Variants in SGCZ observed in about 807,000 individuals in gnomAD.
SGCZ encodes zeta-sarcoglycan.
Under a neutral mutation model 41.3 loss-of-function variants are expected in SGCZ, and 40 were observed. The observed-to-expected ratio is 0.97, with a 90% CI of 0.75 to 1.26. The LOEUF (loss-of-function observed/expected upper bound fraction) is 1.26, where lower values mean the gene tolerates loss of function less well. Among genes scored for constraint, SGCZ ranks in the 50% most tolerant of loss-of-function variants. The pLI is 0.00. For synonymous variants in SGCZ, 206 were observed against 137.5 expected (o/e 1.50, Z -3.49); for missense variants, 552 against 369.8 (o/e 1.49, Z -4.04).
intron 7 of SGCZ, among the ~76,000 whole-genome samples, chr8:14,094,292 GC>G (rs998094063): frequency 6.6e-6 from 1 of 151,532 alleles, no homozygotes; most frequent in Non-Finnish European, 1.5e-5. Context: ...CCCTCCCCTA[GC>G]CCCCCCATGC....
chr8:14,123,526 C>T (rs1262347976), intron 5 of SGCZ, among the ~76,000 whole-genome samples: 2 of 152,266 alleles, frequency 1.3e-5, no homozygotes, highest in East Asian at 3.9e-4. Flanking sequence ...AGGCATGTCA[C>T]ATGAGATTAA....
At chr8:15,076,880 C>T (rs970107973) in intron 1 of SGCZ, among the ~76,000 whole-genome samples, 4 of 151,868 alleles carry the variant, frequency 2.6e-5, no homozygotes, top group Admixed American at 1.3e-4. Flanking sequence ...GGAGTGCCAC[C>T]ACTCAATAAC....
intron 1 of SGCZ, among the ~76,000 whole-genome samples, chr8:14,671,536 A>G (rs1275734109): frequency 6.6e-6 from 1 of 152,188 alleles, no homozygotes; most frequent in Non-Finnish European, 1.5e-5. Context: ...TTCAAGAAGG[A>G]CTTATTTTGC....
At chr8:15,142,687 C>T (rs2117000490) in intron 1 of SGCZ, among the ~76,000 whole-genome samples, 1 of 150,522 alleles carries the variant, frequency 6.6e-6, no homozygotes, top group South Asian at 2.1e-4. Flanking sequence ...TCTCATCTCA[C>T]TGTAACCTCC....
chr8:14,294,505 T>A (rs1800947577), intron 3 of SGCZ, among the ~76,000 whole-genome samples: 1 of 151,966 alleles, frequency 6.6e-6, no homozygotes, highest in South Asian at 2.1e-4. Flanking sequence ...TTACATAAAT[T>A]TTTTTAGATA....
chr8:14,953,872 C>G (rs1337037280), intron 1 of SGCZ, among the ~76,000 whole-genome samples: 1 of 152,174 alleles, frequency 6.6e-6, no homozygotes, highest in Admixed American at 6.5e-5. Flanking sequence ...ACACTCAAGT[C>G]TCTACTTGCC....
chr8:14,298,392 T>C (rs773113329), intron 3 of SGCZ, among the ~76,000 whole-genome samples: 36 of 151,874 alleles, frequency 2.4e-4, no homozygotes, highest in Non-Finnish European at 4.1e-4. Flanking sequence ...AATACTAAGA[T>C]TGAAAAAAAC....
intron 1 of SGCZ, among the ~76,000 whole-genome samples, chr8:14,780,816 T>A (rs1800566965): frequency 6.6e-6 from 1 of 152,210 alleles, no homozygotes; most frequent in Non-Finnish European, 1.5e-5. Flanking sequence ...CTTTTTTAAA[T>A]TACTTCCAGA....
intron 1 of SGCZ, among the ~76,000 whole-genome samples, chr8:14,652,168 C>T (rs946845295): frequency 2.0e-5 from 3 of 151,082 alleles, no homozygotes; most frequent in Non-Finnish European, 4.4e-5. Flanking sequence ...TGGAGAAAAC[C>T]CTGTCTCTAC....
chr8:14,541,078 AAC>A (rs1803452131), intron 2 of SGCZ, among the ~76,000 whole-genome samples: 2 of 151,456 alleles, frequency 1.3e-5, no homozygotes, highest in Non-Finnish European at 2.9e-5. Context: ...TATATACAAA[AAC>A]ACAACACATA....
intron 3 of SGCZ, among the ~76,000 whole-genome samples, chr8:14,240,128 A>G (rs1798817766): frequency 6.6e-6 from 1 of 151,548 alleles, no homozygotes; most frequent in African/African-American, 2.4e-5. Flanking sequence ...GGAGTTTGAA[A>G]CCAGCCTGGC....
chr8:14,248,643 G>A (rs1191891043), intron 3 of SGCZ, among the ~76,000 whole-genome samples: 1 of 152,022 alleles, frequency 6.6e-6, no homozygotes, highest in East Asian at 1.9e-4. Flanking sequence ...TCTCTAACTA[G>A]AAGGAGGATA....
chr8:14,807,770 C>T (rs1366193654), intron 1 of SGCZ, among the ~76,000 whole-genome samples: 2 of 152,042 alleles, frequency 1.3e-5, no homozygotes, highest in African/African-American at 2.4e-5. Context: ...CCCGCATCAC[C>T]AAGTCAATCC....
At chr8:14,470,414 C>G (rs2116976619) in intron 2 of SGCZ, among the ~76,000 whole-genome samples, 1 of 152,030 alleles carries the variant, frequency 6.6e-6, no homozygotes, top group South Asian at 2.1e-4. Flanking sequence ...GAGGTAGATG[C>G]TATTATTAAT....
At chr8:15,037,228 C>T (rs1469100199) in intron 1 of SGCZ, among the ~76,000 whole-genome samples, 2 of 152,076 alleles carry the variant, frequency 1.3e-5, no homozygotes, top group Admixed American at 6.6e-5. Flanking sequence ...ATAATGGAGG[C>T]GGTTACCCCC....
At chr8:14,799,092 A>G (rs1213623510) in intron 1 of SGCZ, among the ~76,000 whole-genome samples, 3 of 151,924 alleles carry the variant, frequency 2.0e-5, no homozygotes, top group Non-Finnish European at 2.9e-5. Context: ...TATTAAATTA[A>G]TTTTTTAACT....
rs1198138842 is a variant in SGCZ at position 14,090,514 on chromosome 8, T to G, written c.868A>C (p.Lys290Gln). 1 of 1,612,898 alleles carries G rather than the reference T, an allele frequency of 6.2e-7. No homozygotes were observed. The highest frequency in any genetic ancestry group is 8.5e-7 in the Non-Finnish European group (1 of 1,179,388). ...VYELCVCPNG[K>Q]LYLSPAGVGS... is the part of the protein sequence containing the mutation. ...ACTCCTGCTGGAGAAAGGTAAAGTT[T>G]GCCATTGGGGCAGACGCAGAGTTCA... Residue 290 changes from lysine (K) to glutamine (Q), a missense_variant, in exon 8 of 8, where the codon AAA (lysine) becomes CAA (glutamine). Lys to Gln is a moderately conservative substitution (Grantham distance 53). Coordinates refer to ENST00000382080, the MANE Select transcript of SGCZ (RefSeq NM_139167.4).
chr8:15,200,877 C>G (rs1800869115), intron 1 of SGCZ, among the ~76,000 whole-genome samples: 1 of 152,192 alleles, frequency 6.6e-6, no homozygotes, highest in Non-Finnish European at 1.5e-5. Flanking sequence ...ACTTGCATAT[C>G]ATAGGAATTC....
At chr8:15,004,229 C>CA (rs2130915042) in intron 1 of SGCZ, among the ~76,000 whole-genome samples, 1 of 152,206 alleles carries the variant, frequency 6.6e-6, no homozygotes, top group African/African-American at 2.4e-5. Context: ...TACGCAGGTG[C>CA]ACCAAGTATA....
Sources: gnomAD v4.1 joint callset for allele counts (sites outside exome capture counted in the v4.1 genomes callset) on GRCh38, gnomAD v4.1.1 for gene constraint, MANE v1.5 for transcripts, NCBI Gene and HGNC (gene_info 2026-07-23, HGNC 2026-07-21) for gene names.